Variants in KIAA0825 observed in about 807,000 individuals in gnomAD.
The protein encoded by KIAA0825 is uncharacterized protein KIAA0825.
A neutral mutation model predicts 147.6 loss-of-function variants in KIAA0825; 119 were observed. That is an observed-to-expected ratio of 0.81 (90% CI 0.69 to 0.94). The LOEUF is 0.94. KIAA0825 is among the 40% of genes least tolerant of loss of function. The pLI, the probability that KIAA0825 is intolerant of heterozygous loss-of-function variation, is 0.00. For missense variants in KIAA0825, 1,381 were observed against 1,472.7 expected, an observed-to-expected ratio of 0.94 and a Z score of 1.02; for synonymous variants, 470 against 518.1, an observed-to-expected ratio of 0.91 and a Z score of 1.26.
In KIAA0825 at chr5:94,291,719, C is replaced by T. The variant is rs556550720; in HGVS notation, c.3710+92649G>A. The stretch of plus-strand genomic sequence containing the variant: ...ACTTTGGGCAGTATGGCCATTTTCA[C>T]GATATTGATTCTTCCTATCCATGAG... On this transcript the variant is annotated intron_variant, in intron 20 of 20. Transcript: ENST00000682413. Among the ~76,000 whole-genome samples, 27 of 152,192 alleles carry T rather than the reference C, an allele frequency of 1.8e-4. No individual in the cohort carries two copies. In the South Asian group the frequency reaches 2.9e-3, roughly 16 times the overall value.
At chr5:94,590,350 G>A (rs1784129087) in intron 1 of KIAA0825, among the ~76,000 whole-genome samples, 1 of 152,124 alleles carries the variant, frequency 6.6e-6, no homozygotes, top group South Asian at 2.1e-4. Flanking sequence ...TTTCTATGGT[G>A]TCTGGTATAC....
intron 15 of KIAA0825, chr5:94,416,297 G>T (rs183576995): frequency 1.3e-5 from 2 of 152,142 alleles, no homozygotes; most frequent in Admixed American, 1.3e-4. Context: ...CAGCTAGAAT[G>T]ATATTCAAGT....
At chr5:94,354,568 GA>G (rs1271529469) in intron 20 of KIAA0825, among the ~76,000 whole-genome samples, 7 of 151,308 alleles carry the variant, frequency 4.6e-5, no homozygotes, top group Non-Finnish European at 4.4e-5. Flanking sequence ...GAAATAACTT[GA>G]AAAAAAATAA....
intron 1 of KIAA0825, among the ~76,000 whole-genome samples, chr5:94,597,853 T>C (rs1314299295): frequency 6.6e-6 from 1 of 152,180 alleles, no homozygotes; most frequent in Non-Finnish European, 1.5e-5. Flanking sequence ...TGGTAAGTAT[T>C]TGTGTATCTA....
At chr5:94,359,211 C>T (rs1744721074) in intron 20 of KIAA0825, among the ~76,000 whole-genome samples, 1 of 152,098 alleles carries the variant, frequency 6.6e-6, no homozygotes, top group African/African-American at 2.4e-5. Context: ...ACAATTGTTG[C>T]CCCACCCCAG....
At chr5:94,403,524 T>C in intron 16 of KIAA0825, 45 bp downstream of exon 16, 1 of 1,407,238 alleles carries the variant, frequency 7.1e-7, no homozygotes, top group Non-Finnish European at 9.8e-7. Context: ...CCTAGAAAAT[T>C]GCTTCTTCAG....
intron 20 of KIAA0825, among the ~76,000 whole-genome samples, chr5:94,159,888 T>A (rs1229458947): frequency 6.6e-6 from 1 of 152,206 alleles, no homozygotes; most frequent in African/African-American, 2.4e-5. Flanking sequence ...CACTTTATAT[T>A]TACAAAGTGC....
chr5:94,182,471 G>A (rs1769752028), intron 20 of KIAA0825, among the ~76,000 whole-genome samples: 2 of 150,986 alleles, frequency 1.3e-5, no homozygotes, highest in African/African-American at 4.9e-5. Context: ...TGTTGGCCAG[G>A]CTGGTTTCGA....
rs545457144 is a variant in KIAA0825, at chr5:94,307,362, C to A, written c.3710+77006G>T. On this transcript the variant is annotated intron_variant, in intron 20 of 20. Transcript: ENST00000682413. ...CCTATAATAGTACCTATGCCCCTGT[C>A]ACCCTCTGATGTTTCTTCAATTGTT... Among the ~76,000 whole-genome samples the A allele has an allele frequency of 1.6e-4, 24 of 151,868 alleles. No homozygotes were observed. In the East Asian group the frequency reaches 4.5e-3, roughly 28 times the overall value.
At chr5:94,204,027 C>T (rs905688459) in intron 20 of KIAA0825, among the ~76,000 whole-genome samples, 1 of 152,110 alleles carries the variant, frequency 6.6e-6, no homozygotes, top group Non-Finnish European at 1.5e-5. Flanking sequence ...TATAAACAAA[C>T]ATTTGGGTAG....
chr5:94,298,861 T>C (rs1006157150), intron 20 of KIAA0825, among the ~76,000 whole-genome samples: 2 of 152,330 alleles, frequency 1.3e-5, no homozygotes, highest in East Asian at 3.9e-4. Context: ...AGGTAGTTCG[T>C]TGTCAAGATG....
intron 3 of KIAA0825, among the ~76,000 whole-genome samples, chr5:94,536,232 T>C (rs1337041657): frequency 6.6e-6 from 1 of 152,208 alleles, no homozygotes; most frequent in Admixed American, 6.5e-5. Context: ...AAAAATATCA[T>C]AGGACCATTT....
intron 1 of KIAA0825, among the ~76,000 whole-genome samples, chr5:94,596,683 T>A (rs893577359): frequency 2.6e-5 from 4 of 152,210 alleles, no homozygotes; most frequent in Non-Finnish European, 5.9e-5. Flanking sequence ...ACTATTTTAA[T>A]GATATTGAGT....
intron 3 of KIAA0825, among the ~76,000 whole-genome samples, chr5:94,529,990 G>A (rs1053805155): frequency 2.0e-5 from 3 of 152,056 alleles, no homozygotes; most frequent in Non-Finnish European, 4.4e-5. Context: ...GGACTTACTA[G>A]CTGGGCATGG....
chr5:94,360,586 C>T (rs150215046), intron 20 of KIAA0825, among the ~76,000 whole-genome samples: 3 of 152,326 alleles, frequency 2.0e-5, no homozygotes, highest in Admixed American at 2.0e-4. Flanking sequence ...GTCATCCTCA[C>T]TGCTCATGCA....
chr5:94,307,625 A>G (rs570201266), intron 20 of KIAA0825, among the ~76,000 whole-genome samples: 1 of 151,672 alleles, frequency 6.6e-6, no homozygotes, highest in South Asian at 2.1e-4. Context: ...CTCTACACTA[A>G]CAACTATCCC....
Position 94,511,101 on chromosome 5 carries a change from T to G in KIAA0825, c.970+9147A>C, listed in dbSNP as rs553293196. Among the ~76,000 whole-genome samples, 52 of 152,206 alleles carry G rather than the reference T, an allele frequency of 3.4e-4. 2 individuals are homozygous for G. The highest frequency in any genetic ancestry group is 3.1e-3 in the Admixed American group (48 of 15,286). On this transcript the variant is annotated intron_variant, in intron 5 of 20. Coordinates refer to ENST00000682413, the MANE Select transcript of KIAA0825 (RefSeq NM_001145678.3). ...AGACCACAGAGAACTCCCTTGCCCC[T>G]TCTACCACATGAGGACACAGAGAGA...
At chr5:94,521,039 T>G (rs144207382) in intron 4 of KIAA0825, 122 bp from the exon 5 acceptor site, 6 of 886,588 alleles carry the variant, frequency 6.8e-6, no homozygotes, top group African/African-American at 1.7e-5. Context: ...CTTAAGATTT[T>G]ATTTTTTTGC....
At position 94,324,813 on chromosome 5, in the gene KIAA0825, T is replaced by C. The variant is rs56960994; in HGVS notation, c.3710+59555A>G. On this transcript the variant is annotated intron_variant, in intron 20 of 20. Transcript: ENST00000682413. ...ACCTTTATTCATAAGAATCTTCTAG[T>C]AAAAGGCATCTATTAGGTAATTCAT... Among the ~76,000 whole-genome samples the C allele has an allele frequency of 9.8e-3, 1,487 of 151,630 alleles. 28 individuals carry two copies. The highest frequency in any genetic ancestry group is 0.034 in the African/African-American group (1,400 of 41,142).
Sources: allele counts gnomAD v4.1 joint callset (sites outside exome capture counted in the v4.1 genomes callset), GRCh38; gene constraint gnomAD v4.1.1; transcripts MANE v1.5; gene names NCBI Gene and HGNC (gene_info 2026-07-23, HGNC 2026-07-21).